The following LAPTM4A variants were observed in gnomAD, a reference collection of about 807,000 sequenced individuals.
LAPTM4A encodes lysosomal-associated transmembrane protein 4A.
In LAPTM4A, 19 loss-of-function variants were observed where a neutral mutation model predicts 29.9. That is an observed-to-expected ratio of 0.64 (90% CI 0.44 to 0.93). LAPTM4A has a LOEUF of 0.93. LAPTM4A is among the 40% of genes least tolerant of loss of function. The probability of loss-of-function intolerance (pLI) is 0.00; values close to 1 mark genes in which losing one functional copy is unlikely to be tolerated. For synonymous variants in LAPTM4A, 105 were observed against 102.1 expected (o/e 1.03, Z -0.17); for missense variants, 293 against 288.5 (o/e 1.02, Z -0.11).
intron 5 of LAPTM4A, 71 bp downstream of exon 5, chr2:20,034,895 GA>G: frequency 1.8e-6 from 2 of 1,083,874 alleles, no homozygotes; most frequent in Non-Finnish European, 2.8e-6. Context: ...CTTGTAAGGT[GA>G]AAGGCAGCAA....
At chr2:20,042,754 G>A (rs1673828133) in intron 1 of LAPTM4A, among the ~76,000 whole-genome samples, 1 of 152,188 alleles carries the variant, frequency 6.6e-6, no homozygotes, top group Non-Finnish European at 1.5e-5. Flanking sequence ...TGGTATCCCA[G>A]GAGGCTTCAC....
chr2:20,050,565 T>G (rs567929376), intron 1 of LAPTM4A, among the ~76,000 whole-genome samples: 10 of 152,324 alleles, frequency 6.6e-5, no homozygotes, highest in African/African-American at 2.4e-4. Flanking sequence ...AAGTTAGGTT[T>G]AATGTGCATG....
At position 20,034,420 on chromosome 2, in the gene LAPTM4A, A is replaced by C. The variant is rs757564365; in HGVS notation, c.529-5T>G. Reference sequence around the variant, plus strand: ...AACACAGTTAATTAGATAAGCCTGGAAGAATAAAAACAAAGTTGACATCTG... The same window carrying C: ...AACACAGTTAATTAGATAAGCCTGGCAGAATAAAAACAAAGTTGACATCTG... On this transcript the variant is annotated splice_region_variant and splice_polypyrimidine_tract_variant and intron_variant, in intron 5 of 6. Coordinates refer to ENST00000175091, the MANE Select transcript of LAPTM4A (RefSeq NM_014713.5). The C allele has an allele frequency of 2.5e-6, 4 of 1,595,810 alleles. No homozygotes were observed. The African/African-American group carries it at 5.4e-5, about 21-fold the overall frequency.
chr2:20,046,915 T>C (rs953130376), intron 1 of LAPTM4A, among the ~76,000 whole-genome samples: 3 of 149,066 alleles, frequency 2.0e-5, no homozygotes, highest in Non-Finnish European at 1.5e-5. Context: ...CGTGAGCCAC[T>C]GCCCTTATAA....
At chr2:20,038,476 A>G (rs1416117095) in intron 2 of LAPTM4A, among the ~76,000 whole-genome samples, 1 of 152,162 alleles carries the variant, frequency 6.6e-6, no homozygotes, top group Non-Finnish European at 1.5e-5. Flanking sequence ...CCCAGGCTAG[A>G]GTGCAGTGGC....
At chr2:20,041,536 G>T (rs1572398503) in intron 1 of LAPTM4A, among the ~76,000 whole-genome samples, 1 of 152,078 alleles carries the variant, frequency 6.6e-6, no homozygotes, top group South Asian at 2.1e-4. Context: ...GTGTGTATGT[G>T]TATGTGTGCG....
At chr2:20,035,185 T>C (rs1041897713) in intron 4 of LAPTM4A, 123 bp from the exon 5 acceptor site, 3 of 682,436 alleles carry the variant, frequency 4.4e-6, no homozygotes, top group African/African-American at 3.6e-5. Flanking sequence ...TAAAAATGTA[T>C]AAGCAGAATT....
chr2:20,034,362 G>C lies in LAPTM4A; in HGVS notation c.582C>G (p.Asn194Lys). ...WNCYKYINNR[N>K]VPEIAVYPAF... ...CAGGGTACACAGCAATCTCCGGCAC[G>C]TTTCGGTTGTTGATGTATTTATAGC... Residue 194 changes from asparagine to lysine, a missense_variant, in exon 6 of 7, where the codon AAC becomes AAG. Physicochemically the swap from Asn to Lys is moderately conservative, Grantham distance 94. Transcript: ENST00000175091. 6.2e-7 allele frequency: 1 copy of C among 1,614,058 alleles called. No homozygotes were observed. Among genetic ancestry groups the C allele is most frequent in the Non-Finnish European group, 8.5e-7 (1 of 1,179,916 alleles).
intron 2 of LAPTM4A, among the ~76,000 whole-genome samples, chr2:20,039,832 T>C (rs1673756449): frequency 6.6e-6 from 1 of 152,126 alleles, no homozygotes; most frequent in African/African-American, 2.4e-5. Context: ...GGCGGGTGGA[T>C]CACCTAAGGT....
At chr2:20,041,780 C>G (rs1367329771) in intron 1 of LAPTM4A, among the ~76,000 whole-genome samples, 2 of 152,110 alleles carry the variant, frequency 1.3e-5, no homozygotes, top group African/African-American at 4.8e-5. Context: ...AGTGATACAC[C>G]CAGCCCTAGC....
chr2:20,034,827 T>C (rs2103494773), intron 5 of LAPTM4A, 140 bp downstream of exon 5: 1 of 653,854 alleles, frequency 1.5e-6, no homozygotes, highest in Middle Eastern at 2.6e-4. Context: ...CCCTAGAAGC[T>C]ATCTCTGCTC....
At chr2:20,041,249 C>T (rs1297588263) in intron 1 of LAPTM4A, among the ~76,000 whole-genome samples, 1 of 152,020 alleles carries the variant, frequency 6.6e-6, no homozygotes, top group Non-Finnish European at 1.5e-5. Flanking sequence ...AGATGCTTAA[C>T]CAATACACCA....
intron 1 of LAPTM4A, among the ~76,000 whole-genome samples, chr2:20,047,558 C>T (rs1176771753): frequency 2.0e-5 from 3 of 149,972 alleles, no homozygotes; most frequent in Non-Finnish European, 1.5e-5. Flanking sequence ...GGCGCGGTGG[C>T]GGGCGCCTGT....
intron 4 of LAPTM4A, among the ~76,000 whole-genome samples, chr2:20,036,947 A>G (rs181790094): frequency 2.6e-5 from 4 of 152,368 alleles, no homozygotes; most frequent in African/African-American, 7.2e-5. Flanking sequence ...GGCTAAAAAC[A>G]TAGTAGGCAC....
chr2:20,033,927 C>T (rs1673627987), intron 6 of LAPTM4A, among the ~76,000 whole-genome samples: 1 of 152,158 alleles, frequency 6.6e-6, no homozygotes, highest in Non-Finnish European at 1.5e-5. Context: ...ATTCATCTCC[C>T]CAGACAGGTC....
Position 20,033,043 on chromosome 2 carries a change from T to G in LAPTM4A, c.*162A>C, listed in dbSNP as rs1477882576. The G allele has an allele frequency of 8.0e-6, 5 of 627,534 alleles. No homozygotes were observed. Among genetic ancestry groups the G allele is most frequent in the Non-Finnish European group, 1.4e-5 (5 of 351,044 alleles). 38.9% of individuals were successfully genotyped at this position (627,534 alleles called of 1,614,324 possible). On this transcript the variant is annotated 3_prime_UTR_variant, in exon 7 of 7. Transcript: ENST00000175091. ...ACTTAACAAAAAAACAAAAAGACGT[T>G]TAACAGATGTCAAAAAGCTCCTTAG...
intron 4 of LAPTM4A, 107 bp downstream of exon 4, chr2:20,037,209 A>T (rs185482817): frequency 3.3e-6 from 3 of 911,684 alleles, no homozygotes; most frequent in Non-Finnish European, 4.8e-6. Context: ...CACTTTCAAA[A>T]GCAAGCGGAG....
At chr2:20,049,466 A>G (rs1232657542) in intron 1 of LAPTM4A, among the ~76,000 whole-genome samples, 1 of 152,224 alleles carries the variant, frequency 6.6e-6, no homozygotes, top group Admixed American at 6.5e-5. Flanking sequence ...TAGGGAACAG[A>G]TGTAAACTCC....
At position 20,045,557 on chromosome 2, in the gene LAPTM4A, C is replaced by T. The variant is rs137955817; in HGVS notation, c.112-4546G>A. ...AGCAATATTTTAGCAGCATGGGCTG[C>T]GGATTCACCACTCAATGTGTTAACA... On this transcript the variant is annotated intron_variant, in intron 1 of 6. Coordinates refer to ENST00000175091, the MANE Select transcript of LAPTM4A (RefSeq NM_014713.5). Among the ~76,000 whole-genome samples, 7 of 152,124 alleles carry T rather than the reference C, an allele frequency of 4.6e-5. 1 individual carries two copies. The South Asian group carries it at 8.3e-4, about 18-fold the overall frequency.
Sources: gnomAD v4.1 joint callset for allele counts (sites outside exome capture counted in the v4.1 genomes callset) on GRCh38, gnomAD v4.1.1 for gene constraint, MANE v1.5 for transcripts, NCBI Gene and HGNC (gene_info 2026-07-23, HGNC 2026-07-21) for gene names.